RBFOX1: variants seen among roughly 807,000 people sequenced by gnomAD.
RBFOX1 encodes RNA binding protein fox-1 homolog 1.
Under a neutral mutation model 57.7 loss-of-function variants are expected in RBFOX1, and 8 were observed. The observed-to-expected ratio is 0.14, with a 90% CI of 0.08 to 0.25. RBFOX1 has a LOEUF of 0.25. RBFOX1 is among the 10% of genes least tolerant of loss of function. RBFOX1 has a pLI of 1.00. For missense variants in RBFOX1, 611 were observed against 548.5 expected, an observed-to-expected ratio of 1.11 and a Z score of -1.14; for synonymous variants, 326 against 222.4, an observed-to-expected ratio of 1.47 and a Z score of -4.15.
At chr16:5,474,634 A>G (rs1223724829) in intron 2 of RBFOX1, among the ~76,000 whole-genome samples, 1 of 151,992 alleles carries the variant, frequency 6.6e-6, no homozygotes, top group Non-Finnish European at 1.5e-5. Context: ...AGCCTGGGGG[A>G]CAAGAGCGAG....
rs1451874640 is a variant in RBFOX1 at position 5,574,458 on chromosome 16, G to T, written c.259-24444G>T. ...TTTTTAAGACGGTGTCTCTGTCGCC[G>T]AGGCTAGAGTGCAGTGGCACAATCT... On this transcript the variant is annotated intron_variant, in intron 2 of 2. Transcript: ENST00000585867. 6.7e-5 allele frequency among the ~76,000 whole-genome samples: 10 copies of T among 149,198 alleles called. No individual in the cohort carries two copies. In the South Asian group the frequency reaches 2.1e-3, roughly 32 times the overall value.
chr16:5,877,628 G>C (rs1210643669), intron 4 of RBFOX1, among the ~76,000 whole-genome samples: 1 of 152,252 alleles, frequency 6.6e-6, no homozygotes, highest in African/African-American at 2.4e-5. Flanking sequence ...TTTTATTGAA[G>C]CATCAGTTAC....
chr16:7,369,413 CCT>C (rs2097528067), intron 4 of RBFOX1, among the ~76,000 whole-genome samples: 1 of 152,090 alleles, frequency 6.6e-6, no homozygotes, highest in African/African-American at 2.4e-5. Context: ...TTTCATCTCT[CCT>C]CTCACTATTA....
intron 1 of RBFOX1, among the ~76,000 whole-genome samples, chr16:6,194,342 C>T (rs773160794): frequency 4.6e-5 from 7 of 152,114 alleles, no homozygotes; most frequent in African/African-American, 7.2e-5. Context: ...CTTCTCTTTC[C>T]CCTTCAAATC....
At chr16:6,069,986 C>G (rs1318728165) in intron 1 of RBFOX1, among the ~76,000 whole-genome samples, 4 of 152,132 alleles carry the variant, frequency 2.6e-5, no homozygotes, top group Non-Finnish European at 5.9e-5. Context: ...GATTCTGTCT[C>G]AACAAATAAA....
chr16:5,381,047 C>T (rs1200888490), intron 1 of RBFOX1, among the ~76,000 whole-genome samples: 1 of 152,152 alleles, frequency 6.6e-6, no homozygotes, highest in African/African-American at 2.4e-5. Context: ...TTGGAGAGGC[C>T]TCGTAGACCA....
intron 4 of RBFOX1, among the ~76,000 whole-genome samples, chr16:5,978,327 TAAAAATA>T (rs2060107936): frequency 1.3e-5 from 2 of 151,288 alleles, no homozygotes; most frequent in South Asian, 2.1e-4. Flanking sequence ...AGAGATAAAA[TAAAAATA>T]AAAAATAAAA....
chr16:5,342,985 G>A (rs75343968), intron 1 of RBFOX1, among the ~76,000 whole-genome samples: 1 of 152,088 alleles, frequency 6.6e-6, no homozygotes, highest in Non-Finnish European at 1.5e-5. Flanking sequence ...CCAGTGATCG[G>A]TTCAGGGTTG....
chr16:5,373,466 C>A (rs891624765), intron 1 of RBFOX1, among the ~76,000 whole-genome samples: 1 of 152,154 alleles, frequency 6.6e-6, no homozygotes, highest in Non-Finnish European at 1.5e-5. Context: ...TCTCCCTTCA[C>A]TTTCTCTTCC....
rs962985351 is a variant in RBFOX1 at position 6,708,790 on chromosome 16, C to T, written c.-16+54140C>T. On this transcript the variant is annotated intron_variant, in intron 3 of 15. Transcript: ENST00000550418. Reference sequence around the variant, plus strand: ...GTGGGGAAGGTGTTCATTTGTCTGCCCTGGCTGGGTGCACATTCTTACTCC... The same window carrying T: ...GTGGGGAAGGTGTTCATTTGTCTGCTCTGGCTGGGTGCACATTCTTACTCC... 2.6e-5 allele frequency among the ~76,000 whole-genome samples: 4 copies of T among 152,090 alleles called. 1 individual carries two copies. The highest frequency in any genetic ancestry group is 4.8e-5 in the African/African-American group (2 of 41,406).
chr16:7,227,353 C>T (rs1270539137), intron 4 of RBFOX1, among the ~76,000 whole-genome samples: 3 of 147,122 alleles, frequency 2.0e-5, no homozygotes, highest in African/African-American at 7.3e-5. Flanking sequence ...CTTTCCCTGC[C>T]CCCTCTCACT....
chr16:6,630,332 C>T (rs557525611), intron 2 of RBFOX1, among the ~76,000 whole-genome samples: 11 of 152,102 alleles, frequency 7.2e-5, no homozygotes, highest in Admixed American at 2.0e-4. Context: ...TTTCAAAATC[C>T]ATCCATCCAT....
rs571465018 is a variant in RBFOX1 at position 6,738,366 on chromosome 16, G to C, written c.-16+83716G>C. On this transcript the variant is annotated intron_variant, in intron 3 of 15. Coordinates refer to ENST00000550418, the MANE Select transcript of RBFOX1 (RefSeq NM_018723.4). ...ATTGAGGAAGTGGAACTGAGGGTCC[G>C]GGGAGCAAGGCACCTGTCATTCTGA... Among the ~76,000 whole-genome samples, 21 of 152,194 alleles carry C rather than the reference G, an allele frequency of 1.4e-4. No individual in the cohort carries two copies. In the South Asian group the frequency reaches 3.7e-3, roughly 27 times the overall value.
chr16:6,933,180 C>T (rs543158032), intron 3 of RBFOX1, among the ~76,000 whole-genome samples: 1 of 152,180 alleles, frequency 6.6e-6, no homozygotes, highest in African/African-American at 2.4e-5. Flanking sequence ...ACTTGAGTTA[C>T]TGTGAATGAT....
At chr16:7,217,760 C>G (rs1372022164) in intron 4 of RBFOX1, among the ~76,000 whole-genome samples, 8 of 152,166 alleles carry the variant, frequency 5.3e-5, no homozygotes, top group Non-Finnish European at 1.5e-5. Flanking sequence ...TGCAAGGAGA[C>G]ATCAGAAAGA....
chr16:5,632,676 AG>A (rs1381554679), intron 3 of RBFOX1: 2 of 152,190 alleles, frequency 1.3e-5, no homozygotes, highest in African/African-American at 4.8e-5. Context: ...GGAGCCTATA[AG>A]GGCATATTGG....
chr16:5,500,463 C>T (rs765144777), intron 2 of RBFOX1, among the ~76,000 whole-genome samples: 1 of 152,132 alleles, frequency 6.6e-6, no homozygotes, highest in African/African-American at 2.4e-5. Context: ...CTCACGCAAT[C>T]GTCCCGCCTC....
chr16:6,832,306 A>C (rs1019401202), intron 3 of RBFOX1, among the ~76,000 whole-genome samples: 34 of 152,186 alleles, frequency 2.2e-4, no homozygotes, highest in African/African-American at 8.2e-4. Flanking sequence ...ATTACCAGAG[A>C]GTTGGAGACA....
At chr16:6,852,991 G>T (rs991241881) in intron 3 of RBFOX1, among the ~76,000 whole-genome samples, 2 of 152,178 alleles carry the variant, frequency 1.3e-5, no homozygotes. Context: ...GCACCCTATG[G>T]ATGGACAATC....
Sources: allele counts gnomAD v4.1 joint callset (sites outside exome capture counted in the v4.1 genomes callset), GRCh38; gene constraint gnomAD v4.1.1; transcripts MANE v1.5; gene names NCBI Gene and HGNC (gene_info 2026-07-23, HGNC 2026-07-21).